Variants in JAZF1 observed in about 807,000 individuals in gnomAD.
The protein encoded by JAZF1 is juxtaposed with another zinc finger protein 1.
Under a neutral mutation model 26.4 loss-of-function variants are expected in JAZF1, and 8 were observed. The ratio of observed to expected loss-of-function variants is 0.30; its 90% confidence interval spans 0.18 to 0.55. The LOEUF is 0.55. JAZF1 is among the 20% of genes least tolerant of loss of function. The pLI is 0.94. For missense variants in JAZF1, 199 were observed against 322.0 expected (o/e 0.62, Z 2.92); for synonymous variants, 126 against 122.3 (o/e 1.03, Z -0.20).
At chr7:28,028,999 A>G (rs945313249) in intron 1 of JAZF1, among the ~76,000 whole-genome samples, 1 of 151,960 alleles carries the variant, frequency 6.6e-6, no homozygotes, top group African/African-American at 2.4e-5. Context: ...AGAAAAAATT[A>G]TTTTGCAGAT....
intron 3 of JAZF1, among the ~76,000 whole-genome samples, chr7:27,852,130 C>CTG (rs1554329448): frequency 8.0e-6 from 1 of 125,256 alleles, no homozygotes; most frequent in Non-Finnish European, 1.8e-5. Flanking sequence ...ATAAACAGGA[C>CTG]TTTTTTTTTT....
intron 2 of JAZF1, among the ~76,000 whole-genome samples, chr7:27,983,975 A>G (rs1290077002): frequency 1.3e-5 from 2 of 152,246 alleles, no homozygotes; most frequent in Non-Finnish European, 2.9e-5. Flanking sequence ...AGGAACAACC[A>G]GTACCAGCCA....
intron 2 of JAZF1, among the ~76,000 whole-genome samples, chr7:27,925,014 C>T (rs1355148872): frequency 6.6e-6 from 1 of 152,180 alleles, no homozygotes; most frequent in Non-Finnish European, 1.5e-5. Context: ...TTAATGCTGC[C>T]ATCTTAGGAG....
At chr7:27,925,032 GTACT>G (rs1562530750) in intron 2 of JAZF1, among the ~76,000 whole-genome samples, 1 of 152,154 alleles carries the variant, frequency 6.6e-6, no homozygotes, top group Non-Finnish European at 1.5e-5. Flanking sequence ...GAGGATATAT[GTACT>G]TACTCTACTG....
chr7:27,935,508 G>A (rs936941730), intron 2 of JAZF1, among the ~76,000 whole-genome samples: 1 of 152,198 alleles, frequency 6.6e-6, no homozygotes, highest in Admixed American at 6.5e-5. Flanking sequence ...CTATAAAGGT[G>A]TAAAGTAGAT....
At chr7:27,975,362 C>T (rs567009577) in intron 2 of JAZF1, among the ~76,000 whole-genome samples, 1 of 152,074 alleles carries the variant, frequency 6.6e-6, no homozygotes, top group African/African-American at 2.4e-5. Context: ...GAAATCCACC[C>T]CTATGATCCA....
At chr7:28,071,034 C>A (rs1026179495) in intron 1 of JAZF1, among the ~76,000 whole-genome samples, 4 of 152,124 alleles carry the variant, frequency 2.6e-5, no homozygotes, top group Admixed American at 6.5e-5. Context: ...TTACCTAGAA[C>A]TGGTTACCGG....
chr7:27,996,410 A>T (rs187419208), intron 1 of JAZF1, among the ~76,000 whole-genome samples: 96 of 152,300 alleles, frequency 6.3e-4, no homozygotes, highest in Non-Finnish European at 1.2e-3. Context: ...GTGTACAGCA[A>T]CAGTGGGAGG....
intron 1 of JAZF1, among the ~76,000 whole-genome samples, chr7:28,021,641 G>A (rs932146495): frequency 8.5e-5 from 13 of 152,160 alleles, no homozygotes; most frequent in Admixed American, 2.6e-4. Context: ...GGGCAGGGTC[G>A]GAGGACAGAG....
intron 1 of JAZF1, among the ~76,000 whole-genome samples, chr7:28,009,574 C>T (rs1296263566): frequency 6.6e-6 from 1 of 151,914 alleles, no homozygotes; most frequent in African/African-American, 2.4e-5. Flanking sequence ...ACCTCCGCCT[C>T]CCAGGTTCAA....
intron 3 of JAZF1, among the ~76,000 whole-genome samples, chr7:27,859,210 A>G (rs940308740): frequency 5.3e-5 from 8 of 152,226 alleles, no homozygotes; most frequent in African/African-American, 1.7e-4. Context: ...GAATCATTAA[A>G]AAGTCAGGAA....
chr7:27,930,321 A>G (rs1784669850), intron 2 of JAZF1, among the ~76,000 whole-genome samples: 1 of 152,196 alleles, frequency 6.6e-6, no homozygotes, highest in Non-Finnish European at 1.5e-5. Flanking sequence ...TATAATGAAC[A>G]TATATTACTT....
At chr7:28,094,771 A>T (rs11980071) in intron 1 of JAZF1, among the ~76,000 whole-genome samples, 8,537 of 151,484 alleles carry the variant, frequency 0.056, 807 homozygotes, top group African/African-American at 0.2. Context: ...ATTATTTTTT[A>T]TTTTTTTTGC....
At chr7:28,156,117 A>C (rs1783181819) in intron 1 of JAZF1, among the ~76,000 whole-genome samples, 1 of 152,240 alleles carries the variant, frequency 6.6e-6, no homozygotes, top group African/African-American at 2.4e-5. Flanking sequence ...AACATACTTA[A>C]ACACCAAATC....
rs1323009052 is a variant in JAZF1, at chr7:27,832,066, C to T, written c.*734G>A. 9.4e-6 allele frequency: 2 copies of T among 213,158 alleles called. No homozygotes were observed. Among genetic ancestry groups the T allele is most frequent in the South Asian group, 1.9e-4 (1 of 5,364 alleles). The allele number at this position is 213,158 out of a possible 1,614,324, so 13.2% of individuals were successfully genotyped here. On this transcript the variant is annotated 3_prime_UTR_variant, in exon 5 of 5. Transcript: ENST00000283928. ...CCCTTGTACCCAGCAGGCACTCAAT[C>T]AATGTGTGTTAAATGAATGAACGAA...
At chr7:27,914,144 G>GA (rs1784407483) in intron 2 of JAZF1, among the ~76,000 whole-genome samples, 1 of 152,180 alleles carries the variant, frequency 6.6e-6, no homozygotes, top group South Asian at 2.1e-4. Flanking sequence ...TATGTGGGTT[G>GA]AAAATTTTTG....
At chr7:27,876,271 C>T (rs1583442936) in intron 3 of JAZF1, among the ~76,000 whole-genome samples, 1 of 152,328 alleles carries the variant, frequency 6.6e-6, no homozygotes, top group South Asian at 2.1e-4. Flanking sequence ...TTATCTAATA[C>T]AGCATAATTC....
At position 28,094,820 on chromosome 7, in the gene JAZF1, C is replaced by T. The variant is rs761510980; in HGVS notation, c.115+85643G>A. The stretch of plus-strand genomic sequence containing the variant: ...CCCTGTGGCCAGAGGGGACCAAGGG[C>T]CGAGCTGCGCCTGCTCATGATGTTT... On this transcript the variant is annotated intron_variant, in intron 1 of 4. Coordinates refer to ENST00000283928, the MANE Select transcript of JAZF1 (RefSeq NM_175061.4). Among the ~76,000 whole-genome samples the T allele has an allele frequency of 1.1e-3, 165 of 152,082 alleles. 2 individuals are homozygous for T. Among genetic ancestry groups the T allele is most frequent in the Non-Finnish European group, 1.3e-3 (88 of 68,034 alleles).
At chr7:28,072,322 G>A (rs1042390505) in intron 1 of JAZF1, among the ~76,000 whole-genome samples, 1 of 152,174 alleles carries the variant, frequency 6.6e-6, no homozygotes, top group Non-Finnish European at 1.5e-5. Context: ...TGTGCGAAAT[G>A]GCAGCATGTA....
Sources: gnomAD v4.1 joint callset for allele counts (sites outside exome capture counted in the v4.1 genomes callset) on GRCh38, gnomAD v4.1.1 for gene constraint, MANE v1.5 for transcripts, NCBI Gene and HGNC (gene_info 2026-07-23, HGNC 2026-07-21) for gene names.